LRRTM4: variants seen among roughly 807,000 people sequenced by gnomAD.
LRRTM4 encodes the protein leucine-rich repeat transmembrane neuronal protein 4.
Under a neutral mutation model 47.6 loss-of-function variants are expected in LRRTM4, and 25 were observed. That is an observed-to-expected ratio of 0.53 (90% confidence interval 0.38 to 0.73). The LOEUF (loss-of-function observed/expected upper bound fraction) is 0.73. Ranked by LOEUF, LRRTM4 falls within the 30% of genes least tolerant of loss-of-function variation. The probability of loss-of-function intolerance (pLI) is 0.00; values close to 1 mark genes in which losing one functional copy is unlikely to be tolerated. For synonymous variants in LRRTM4, 311 were observed against 269.5 expected (o/e 1.15, Z -1.51); for missense variants, 638 against 713.4 (o/e 0.89, Z 1.20).
At chr2:76,824,963 T>G (rs941439632) in intron 3 of LRRTM4, among the ~76,000 whole-genome samples, 3 of 151,600 alleles carry the variant, frequency 2.0e-5, no homozygotes, top group African/African-American at 7.3e-5. Flanking sequence ...TTCTTCCAAT[T>G]GGGGTACTGC....
At chr2:77,087,431 A>C (rs751199862) in intron 3 of LRRTM4, among the ~76,000 whole-genome samples, 17 of 152,254 alleles carry the variant, frequency 1.1e-4, no homozygotes, top group Non-Finnish European at 1.9e-4. Context: ...CCAGGAAAAA[A>C]TGCCAGTTAA....
intron 3 of LRRTM4, among the ~76,000 whole-genome samples, chr2:76,820,341 T>C (rs554301275): frequency 6.6e-6 from 1 of 151,858 alleles, no homozygotes; most frequent in African/African-American, 2.4e-5. Context: ...TAACTTTCAC[T>C]ACATCAAATT....
intron 3 of LRRTM4, among the ~76,000 whole-genome samples, chr2:77,277,992 CTCTT>C (rs1435445324): frequency 6.6e-6 from 1 of 151,948 alleles, no homozygotes; most frequent in Non-Finnish European, 1.5e-5. Flanking sequence ...CTCTTTCTCT[CTCTT>C]TCTTTCCCCC....
chr2:77,341,951 T>A (rs1025288287), intron 3 of LRRTM4, among the ~76,000 whole-genome samples: 4 of 152,062 alleles, frequency 2.6e-5, no homozygotes, highest in East Asian at 1.9e-4. Context: ...GGGATCAAGA[T>A]GGATGAAGTA....
chr2:76,936,232 T>C (rs918892868), intron 3 of LRRTM4, among the ~76,000 whole-genome samples: 1 of 152,100 alleles, frequency 6.6e-6, no homozygotes, highest in Admixed American at 6.5e-5. Context: ...ATATGGTGCA[T>C]ATATACCATG....
At chr2:76,974,525 C>CAT (rs1558772058) in intron 3 of LRRTM4, among the ~76,000 whole-genome samples, 2 of 150,398 alleles carry the variant, frequency 1.3e-5, no homozygotes, top group African/African-American at 4.9e-5. Flanking sequence ...TTGTGATACA[C>CAT]ACATATAGTG....
intron 3 of LRRTM4, among the ~76,000 whole-genome samples, chr2:77,338,116 T>C (rs1671231496): frequency 6.6e-6 from 1 of 152,052 alleles, no homozygotes; most frequent in Non-Finnish European, 1.5e-5. Flanking sequence ...TACTTGAATA[T>C]AAACCCCAAA....
chr2:77,409,745 T>C (rs188800843), intron 3 of LRRTM4, among the ~76,000 whole-genome samples: 2 of 152,324 alleles, frequency 1.3e-5, no homozygotes, highest in East Asian at 3.9e-4. Context: ...TTATTTTTAG[T>C]TTTACTGGCC....
chr2:76,793,756 T>G (rs1043080591), intron 3 of LRRTM4, among the ~76,000 whole-genome samples: 1 of 152,162 alleles, frequency 6.6e-6, no homozygotes, highest in African/African-American at 2.4e-5. Context: ...CAGTATGAAC[T>G]TATAAACAGT....
At chr2:77,429,272 A>T (rs1362420188) in intron 3 of LRRTM4, among the ~76,000 whole-genome samples, 1 of 152,216 alleles carries the variant, frequency 6.6e-6, no homozygotes, top group Non-Finnish European at 1.5e-5. Flanking sequence ...TTATAAGAAT[A>T]AGATCTTTTA....
At chr2:77,114,942 A>T (rs933159665) in intron 3 of LRRTM4, among the ~76,000 whole-genome samples, 18 of 152,156 alleles carry the variant, frequency 1.2e-4, no homozygotes, top group African/African-American at 3.9e-4. Flanking sequence ...TTAACAGGAA[A>T]CAGGGTTCAA....
chr2:76,827,431 T>C (rs116543075), intron 3 of LRRTM4, among the ~76,000 whole-genome samples: 3 of 151,676 alleles, frequency 2.0e-5, no homozygotes, highest in African/African-American at 7.3e-5. Context: ...AGCGTTTGAG[T>C]CCCCCTTAAA....
intron 3 of LRRTM4, among the ~76,000 whole-genome samples, chr2:76,975,974 T>C (rs1676405680): frequency 6.6e-6 from 1 of 151,860 alleles, no homozygotes; most frequent in South Asian, 2.1e-4. Flanking sequence ...TGCTCTGGAC[T>C]TAGGTTTTCT....
At chr2:77,277,062 C>T (rs1446471853) in intron 3 of LRRTM4, among the ~76,000 whole-genome samples, 1 of 151,860 alleles carries the variant, frequency 6.6e-6, no homozygotes, top group Non-Finnish European at 1.5e-5. Flanking sequence ...AGGTCAGTGA[C>T]TTACAACTAC....
At chr2:77,362,157 GAAA>G (rs1672257277) in intron 3 of LRRTM4, among the ~76,000 whole-genome samples, 8 of 151,378 alleles carry the variant, frequency 5.3e-5, no homozygotes, top group African/African-American at 1.5e-4. Flanking sequence ...AAGAAAGAAA[GAAA>G]GAAAGAAAGA....
intron 3 of LRRTM4, among the ~76,000 whole-genome samples, chr2:77,483,281 T>C (rs1677786821): frequency 6.6e-6 from 1 of 152,130 alleles, no homozygotes; most frequent in Non-Finnish European, 1.5e-5. Context: ...TCAAGAATTG[T>C]TTTTATTTAT....
chr2:76,888,715 TG>T (rs1673157018), intron 3 of LRRTM4, among the ~76,000 whole-genome samples: 1 of 151,834 alleles, frequency 6.6e-6, no homozygotes, highest in South Asian at 2.1e-4. Context: ...TTGCCTTTTT[TG>T]TTTTTCTTTT....
At chr2:77,112,082 G>A (rs1043186724) in intron 3 of LRRTM4, among the ~76,000 whole-genome samples, 1 of 152,158 alleles carries the variant, frequency 6.6e-6, no homozygotes. Flanking sequence ...TGTGAGGCAG[G>A]AGGATGGATA....
Position 77,522,197 on chromosome 2 carries a change from C to A in LRRTM4, c.-236G>T. The A allele has an allele frequency of 1.4e-6, 1 of 708,654 alleles. No individual in the cohort carries two copies. Among genetic ancestry groups the A allele is most frequent in the Non-Finnish European group, 2.6e-6 (1 of 380,440 alleles). The allele number at this position is 708,654 out of a possible 1,614,324, so 43.9% of individuals were successfully genotyped here. On this transcript the variant is annotated 5_prime_UTR_variant, in exon 1 of 4. In the 5' UTR this introduces an upstream ATG that the reference lacks. Coordinates refer to ENST00000409884, the MANE Select transcript of LRRTM4 (RefSeq NM_001134745.3). ...TCAGTTCTTGAAGCAAGTAGGCCTC[C>A]TGTGCTGTATGAGACCCCAGTTTAA...
Sources: gnomAD v4.1 joint callset for allele counts (sites outside exome capture counted in the v4.1 genomes callset) on GRCh38, gnomAD v4.1.1 for gene constraint, MANE v1.5 for transcripts, NCBI Gene and HGNC (gene_info 2026-07-23, HGNC 2026-07-21) for gene names.